The following PACSIN2 variants were observed in gnomAD, a reference collection of about 807,000 sequenced individuals.
The protein encoded by PACSIN2 is protein kinase C and casein kinase substrate in neurons 2.
In PACSIN2, 25 loss-of-function variants were observed where a neutral mutation model predicts 63.8. That is an observed-to-expected ratio of 0.39 (90% CI 0.29 to 0.55). The LOEUF is 0.55. Among genes scored for constraint, PACSIN2 ranks in the 20% least tolerant of loss-of-function variants. PACSIN2 has a pLI of 0.62. For missense variants in PACSIN2, 518 were observed against 646.9 expected (o/e 0.80, Z 2.16); for synonymous variants, 255 against 256.2 (o/e 1.00, Z 0.05).
At chr22:42,954,187 T>C (rs889085399) in intron 1 of PACSIN2, among the ~76,000 whole-genome samples, 13 of 152,120 alleles carry the variant, frequency 8.5e-5, no homozygotes, top group African/African-American at 1.4e-4. Flanking sequence ...CACTTGAACC[T>C]GGGAGGCGGA....
At chr22:42,957,376 C>T (rs899795622) in intron 1 of PACSIN2, among the ~76,000 whole-genome samples, 3 of 152,146 alleles carry the variant, frequency 2.0e-5, no homozygotes, top group African/African-American at 4.8e-5. Flanking sequence ...ATTCTAAATA[C>T]TTTAGAAAAT....
chr22:42,951,808 C>T (rs1279293118), intron 1 of PACSIN2, among the ~76,000 whole-genome samples: 2 of 152,258 alleles, frequency 1.3e-5, no homozygotes, highest in Non-Finnish European at 2.9e-5. Context: ...TTACAAGGTC[C>T]CATGTGATTC....
intron 1 of PACSIN2, among the ~76,000 whole-genome samples, chr22:42,988,228 G>A (rs995290897): frequency 2.6e-5 from 4 of 151,646 alleles, no homozygotes; most frequent in Admixed American, 2.0e-4. Flanking sequence ...AGGCACCAAA[G>A]ACAAGGAGAA....
chr22:42,890,502 G>C (rs1167475442), intron 4 of PACSIN2, among the ~76,000 whole-genome samples: 1 of 152,036 alleles, frequency 6.6e-6, no homozygotes, highest in East Asian at 1.9e-4. Flanking sequence ...TGGATCACCT[G>C]AGGTCAAGAG....
At chr22:42,893,690 C>A in intron 2 of PACSIN2, 77 bp from the exon 3 acceptor site, 2 of 1,473,116 alleles carry the variant, frequency 1.4e-6, no homozygotes, top group South Asian at 1.2e-5. Context: ...GGCCTCCATG[C>A]CAACCAGGCC....
chr22:42,918,292 C>A (rs561948058), intron 1 of PACSIN2, among the ~76,000 whole-genome samples: 1 of 152,248 alleles, frequency 6.6e-6, no homozygotes, highest in Admixed American at 6.5e-5. Flanking sequence ...TGAATTATAT[C>A]CCCCAAAGAC....
At position 42,989,685 on chromosome 22, in the gene PACSIN2, C is replaced by A. The variant is rs139667285; in HGVS notation, c.-78+25336G>T. The stretch of plus-strand genomic sequence containing the variant: ...TGGTGGTGGGTGCCTGTAGTCCCAG[C>A]TACTTGGGAGGCTGAGGTAGGAGAA... On this transcript the variant is annotated intron_variant, in intron 1 of 10. Coordinates refer to ENST00000263246, the MANE Select transcript of PACSIN2 (RefSeq NM_001184970.3). Among the ~76,000 whole-genome samples, 985 of 151,910 alleles carry A rather than the reference C, an allele frequency of 6.5e-3. 13 individuals are homozygous for A. The highest frequency in any genetic ancestry group is 0.023 in the African/African-American group (956 of 41,408).
chr22:42,955,316 C>T (rs1018196463), intron 1 of PACSIN2, among the ~76,000 whole-genome samples: 6 of 152,028 alleles, frequency 3.9e-5, no homozygotes, highest in Non-Finnish European at 7.4e-5. Context: ...AACGAACGAA[C>T]GAACGAAAAA....
At chr22:42,966,442 A>T (rs1920957665) in intron 1 of PACSIN2, among the ~76,000 whole-genome samples, 1 of 152,200 alleles carries the variant, frequency 6.6e-6, no homozygotes, top group Admixed American at 6.5e-5. Flanking sequence ...AATGTCTAAC[A>T]TTCTCTATCA....
intron 1 of PACSIN2, among the ~76,000 whole-genome samples, chr22:42,960,804 T>C (rs1193712159): frequency 6.6e-6 from 1 of 152,212 alleles, no homozygotes; most frequent in Non-Finnish European, 1.5e-5. Context: ...GAAAATTCAC[T>C]GATATGTACA....
chr22:42,957,618 T>G, intron 1 of PACSIN2, among the ~76,000 whole-genome samples: 2 of 152,352 alleles, frequency 1.3e-5, no homozygotes, highest in South Asian at 4.1e-4. Context: ...ATTAAATCGT[T>G]TTCTCCTTTA....
intron 2 of PACSIN2, among the ~76,000 whole-genome samples, chr22:42,895,666 G>A (rs1242381757): frequency 2.0e-5 from 3 of 152,246 alleles, no homozygotes; most frequent in African/African-American, 7.2e-5. Flanking sequence ...TACAGGAAGA[G>A]TGTTTCCGTA....
At chr22:42,889,201 GCACGCACATGGAA>G (rs920018546) in intron 4 of PACSIN2, among the ~76,000 whole-genome samples, 1 of 151,924 alleles carries the variant, frequency 6.6e-6, no homozygotes, top group African/African-American at 2.4e-5. Context: ...CGCACATGGA[GCACGCACATGGAA>G]CACGCACATG....
chr22:42,980,262 C>T (rs1252532999), intron 1 of PACSIN2, among the ~76,000 whole-genome samples: 2 of 152,132 alleles, frequency 1.3e-5, no homozygotes, highest in East Asian at 3.9e-4. Flanking sequence ...GCCTATAATC[C>T]CAGCACTTTG....
Position 42,871,008 on chromosome 22 carries a change from CAGAGAG to C in PACSIN2, c.*343_*348del, listed in dbSNP as rs948324113. ...TTTAAGTTGCAGGTGATGGACTCGT[CAGAGAG>C]AGTAATCAGTGGAACAAGATCAGTG... On this transcript the variant is annotated 3_prime_UTR_variant, in exon 11 of 11. Coordinates refer to ENST00000263246, the MANE Select transcript of PACSIN2 (RefSeq NM_001184970.3). The surrounding 1 kb of genome is among the most constrained non-coding windows in gnomAD (Gnocchi z 5.4). The C allele has an allele frequency of 1.1e-5, 3 of 264,860 alleles. No individual in the cohort carries two copies. Among genetic ancestry groups the C allele is most frequent in the African/African-American group, 6.4e-5 (3 of 46,598 alleles). 16.4% of individuals were successfully genotyped at this position (264,860 alleles called of 1,614,324 possible). A position where few individuals can be genotyped will look rare whatever the true frequency, so the allele number is the denominator to read the frequency against.
At chr22:42,927,124 C>A (rs1259369140) in intron 1 of PACSIN2, among the ~76,000 whole-genome samples, 1 of 152,224 alleles carries the variant, frequency 6.6e-6, no homozygotes, top group Admixed American at 6.5e-5. Context: ...CCTCATTTAG[C>A]CCTTGCTTCT....
chr22:42,966,392 T>G (rs1018257727), intron 1 of PACSIN2, among the ~76,000 whole-genome samples: 2 of 149,778 alleles, frequency 1.3e-5, no homozygotes, highest in African/African-American at 2.4e-5. Context: ...TTGTCTTTAC[T>G]CATCCAACAC....
chr22:42,920,298 G>A (rs1932101524), intron 1 of PACSIN2, among the ~76,000 whole-genome samples: 1 of 152,168 alleles, frequency 6.6e-6, no homozygotes, highest in Non-Finnish European at 1.5e-5. Context: ...TGCCATGCAA[G>A]ATGAATCAGA....
intron 1 of PACSIN2, among the ~76,000 whole-genome samples, chr22:42,972,061 A>T (rs1235512479): frequency 6.6e-6 from 1 of 150,880 alleles, no homozygotes. Flanking sequence ...GTTTTGTCCA[A>T]TGGGGGGGGG....
Sources: allele counts gnomAD v4.1 joint callset (sites outside exome capture counted in the v4.1 genomes callset), GRCh38; gene constraint gnomAD v4.1.1; non-coding constraint Gnocchi (gnomAD v3.1); transcripts MANE v1.5; gene names NCBI Gene and HGNC (gene_info 2026-07-23, HGNC 2026-07-21).